MMAB: variants seen among roughly 807,000 people sequenced by gnomAD.
MMAB encodes the protein metabolism of cobalamin associated B, also known as corrinoid adenosyltransferase MMAB.
MMAB carries 17 observed loss-of-function variants against 30.6 expected under a neutral mutation model. The ratio of observed to expected loss-of-function variants is 0.56; its 90% CI spans 0.38 to 0.83. The LOEUF (loss-of-function observed/expected upper bound fraction) is 0.83. MMAB is among the 40% of genes least tolerant of loss of function. The pLI is 0.00. For synonymous variants in MMAB, 134 were observed against 138.6 expected, an observed-to-expected ratio of 0.97 and a Z score of 0.23; for missense variants, 311 against 331.6, an observed-to-expected ratio of 0.94 and a Z score of 0.48.
intron 3 of MMAB, 119 bp downstream of exon 3, chr12:109,568,651 T>C: frequency 1.2e-6 from 1 of 843,654 alleles, no homozygotes; most frequent in South Asian, 1.3e-5. Flanking sequence ...CTGAGGAAAG[T>C]TCAATAAGGG....
At chr12:109,566,932 A>G (rs998815245) in intron 3 of MMAB, 1 of 454,790 alleles carries the variant, frequency 2.2e-6, no homozygotes, top group Non-Finnish European at 4.4e-6. Context: ...CCTCCCACAC[A>G]CACCAAGGGG....
chr12:109,573,363 C>G lies in MMAB; in HGVS notation c.118G>C (p.Val40Leu). ...GCCACTCACCTGTCCCCGTCTTCCA[C>G]GCCCTGAGGGCCGCGGCTCTGGAAA... ...PRFQSRGPQG[V>L]EDGDRPQPSS... Residue 40 changes from valine to leucine, a missense_variant, in exon 1 of 9, where the codon GTG (valine) becomes CTG (leucine). By Grantham distance (32) the Val-to-Leu change is conservative. Transcript: ENST00000545712. 6.2e-7 allele frequency: 1 copy of G among 1,613,236 alleles called. No individual in the cohort carries two copies. Among genetic ancestry groups the G allele is most frequent in the Non-Finnish European group, 8.5e-7 (1 of 1,179,896 alleles).
At chr12:109,559,521 C>T (rs1386385613) in intron 7 of MMAB, among the ~76,000 whole-genome samples, 1 of 152,206 alleles carries the variant, frequency 6.6e-6, no homozygotes, top group African/African-American at 2.4e-5. Flanking sequence ...GGGGCCTGAC[C>T]CTTAATTCCC....
rs1220994757 is a variant in MMAB at position 109,555,627 on chromosome 12, G to A, written c.*1401C>T. 6.6e-6 allele frequency: 3 copies of A among 451,470 alleles called. No individual in the cohort carries two copies. The highest frequency in any genetic ancestry group is 6.0e-5 in the African/African-American group (3 of 49,776). The allele number at this position is 451,470 out of a possible 1,614,324, so 28.0% of individuals were successfully genotyped here. ...ACCAGACCTGGTAGTGACGATGGGG[G>A]CAGGGAGGCACGGAACAAAGCCACC... On this transcript the variant is annotated 3_prime_UTR_variant, in exon 9 of 9. Coordinates refer to ENST00000545712, the MANE Select transcript of MMAB (RefSeq NM_052845.4).
chr12:109,572,805 G>A (rs1354184248), intron 1 of MMAB, among the ~76,000 whole-genome samples: 1 of 152,186 alleles, frequency 6.6e-6, no homozygotes, highest in Non-Finnish European at 1.5e-5. Context: ...TGTACTCAGA[G>A]ATGAAGAATT....
At position 109,571,726 on chromosome 12, in the gene MMAB, C is replaced by T. The variant is rs1490537178; in HGVS notation, c.135-16G>A. On this transcript the variant is annotated splice_polypyrimidine_tract_variant and intron_variant, in intron 1 of 8. Transcript: ENST00000545712. ...AGGCTGTGGCCTAATGAGAAATAAA[C>T]ATCAGTATCTGGTGAGTGGGGATGG... 1.2e-6 allele frequency: 2 copies of T among 1,612,212 alleles called. No individual in the cohort carries two copies. The highest frequency in any genetic ancestry group is 1.7e-6 in the Non-Finnish European group (2 of 1,178,366).
chr12:109,570,973 T>C (rs114195318), intron 2 of MMAB, among the ~76,000 whole-genome samples: 1 of 151,732 alleles, frequency 6.6e-6, no homozygotes, highest in Non-Finnish European at 1.5e-5. Context: ...TAAAGTAATA[T>C]ATACTCATTA....
At chr12:109,570,071 G>A in intron 2 of MMAB, 1 of 308,918 alleles carries the variant, frequency 3.2e-6, no homozygotes, top group Non-Finnish European at 6.6e-6. Flanking sequence ...AGACTAGCCT[G>A]GCCAACATGG....
chr12:109,555,806 A>G lies in MMAB; in HGVS notation c.*1222T>C, dbSNP rs1298364777. On this transcript the variant is annotated 3_prime_UTR_variant, in exon 9 of 9. Transcript: ENST00000545712. ...CTGCAAACTTTGCAGGCCAGGTGGTAAGAATGAAGGCAAAAATATGCACGT... is the reference window on the plus strand; with the variant it reads ...CTGCAAACTTTGCAGGCCAGGTGGTGAGAATGAAGGCAAAAATATGCACGT... 1.3e-5 allele frequency: 6 copies of G among 453,982 alleles called. No individual in the cohort carries two copies. The highest frequency in any genetic ancestry group is 8.0e-5 in the African/African-American group (4 of 50,014). The allele number at this position is 453,982 out of a possible 1,614,324, so 28.1% of individuals were successfully genotyped here.
chr12:109,562,827 C>G (rs1169712614), intron 4 of MMAB, among the ~76,000 whole-genome samples: 1 of 152,136 alleles, frequency 6.6e-6, no homozygotes, highest in African/African-American at 2.4e-5. Flanking sequence ...TTGCTTGGAA[C>G]AGAAGTGGTC....
At chr12:109,566,453 T>C (rs1308012827) in intron 3 of MMAB, among the ~76,000 whole-genome samples, 1 of 152,250 alleles carries the variant, frequency 6.6e-6, no homozygotes, top group Non-Finnish European at 1.5e-5. Flanking sequence ...GGGAGGGCTG[T>C]GCAGGCTGGG....
rs1385090916 is a variant in MMAB, at chr12:109,554,987, A to G, written c.*2041T>C. 2 of 454,118 alleles carry G rather than the reference A, an allele frequency of 4.4e-6. No individual in the cohort carries two copies. Among genetic ancestry groups the G allele is most frequent in the South Asian group, 3.1e-5 (2 of 64,470 alleles). 28.1% of individuals were successfully genotyped at this position (454,118 alleles called of 1,614,324 possible). On this transcript the variant is annotated 3_prime_UTR_variant, in exon 9 of 9. Coordinates refer to ENST00000545712, the MANE Select transcript of MMAB (RefSeq NM_052845.4). ...GGGGTCTGAGAACGCGACTGTTAAC[A>G]TCCAGGCTGTGACACCCGGTCCTGG...
At chr12:109,562,987 T>C (rs1884268602) in intron 4 of MMAB, among the ~76,000 whole-genome samples, 1 of 152,204 alleles carries the variant, frequency 6.6e-6, no homozygotes, top group African/African-American at 2.4e-5. Flanking sequence ...GGTGAAGGTC[T>C]GCGACTTCTG....
chr12:109,571,217 G>C (rs1251444348), intron 2 of MMAB, among the ~76,000 whole-genome samples: 1 of 151,624 alleles, frequency 6.6e-6, no homozygotes, highest in Non-Finnish European at 1.5e-5. Flanking sequence ...AACATATTTT[G>C]AGATCTGTCA....
At chr12:109,560,973 C>CT in intron 7 of MMAB, 67 bp downstream of exon 7, 78 of 509,756 alleles carry the variant, frequency 1.5e-4, no homozygotes, top group South Asian at 3.2e-4. Context: ...CTCTCCCTCT[C>CT]CCTCCCCCCT....
chr12:109,566,832 G>A (rs992105429), intron 3 of MMAB, among the ~76,000 whole-genome samples: 3 of 152,212 alleles, frequency 2.0e-5, no homozygotes, highest in Non-Finnish European at 4.4e-5. Context: ...ACGATGGCTC[G>A]TGTTTTAGAG....
In MMAB at chr12:109,556,276, C is replaced by G; in HGVS notation, c.*752G>C. On this transcript the variant is annotated 3_prime_UTR_variant, in exon 9 of 9. Transcript: ENST00000545712. The stretch of plus-strand genomic sequence containing the variant: ...ACCTCATTTTCTCAAGCTGAAGATG[C>G]TGCACCGCAGACCCTTGACTCAGTC... 1 of 454,074 alleles carries G rather than the reference C, an allele frequency of 2.2e-6. No individual in the cohort carries two copies. The highest frequency in any genetic ancestry group is 4.4e-6 in the Non-Finnish European group (1 of 226,780). The allele number at this position is 454,074 out of a possible 1,614,324, so 28.1% of individuals were successfully genotyped here.
In MMAB at chr12:109,561,052, C is replaced by T. The variant is rs746219370; in HGVS notation, c.572G>A (p.Arg191Gln). 23 of 1,610,324 alleles carry T rather than the reference C, an allele frequency of 1.4e-5. No homozygotes were observed. The highest frequency in any genetic ancestry group is 1.7e-5 in the Admixed American group (1 of 59,962). ...CCAGCCCTCTTACCGTCTCTCGGCC[C>T]GGCGGCACACGGCCCGGCAGAAATG... is the stretch of plus-strand genomic sequence containing the variant. Reference protein sequence around the residue: ...ALHFCRAVCRRAERRVVPLVQ... With the variant: ...ALHFCRAVCRQAERRVVPLVQ... The change falls in exon 7 of 9, where the codon CGG becomes CAG. Residue 191 changes from arginine to glutamine, a missense_variant. Physicochemically the swap from Arg to Gln is conservative, Grantham distance 43. Coordinates refer to ENST00000545712, the MANE Select transcript of MMAB (RefSeq NM_052845.4). The surrounding 1 kb of genome is among the most constrained non-coding windows in gnomAD (Gnocchi z 5.3).
chr12:109,557,264 A>G, intron 8 of MMAB, 128 bp from the exon 9 acceptor site: 1 of 739,362 alleles, frequency 1.4e-6, no homozygotes, highest in South Asian at 1.4e-5. Flanking sequence ...TTGTGCAGGG[A>G]GGGCGGGGGC....
Sources: gnomAD v4.1 joint callset for allele counts (sites outside exome capture counted in the v4.1 genomes callset) on GRCh38, gnomAD v4.1.1 for gene constraint, Gnocchi (gnomAD v3.1) non-coding constraint, MANE v1.5 for transcripts, NCBI Gene and HGNC (gene_info 2026-07-23, HGNC 2026-07-21) for gene names.